The following CEP70 variants were observed in gnomAD, a reference collection of about 807,000 sequenced individuals.
CEP70 encodes the protein centrosomal protein 70, also known as centrosomal protein of 70 kDa.
CEP70 carries 70 observed loss-of-function variants against 90.9 expected under a neutral mutation model. That is an observed-to-expected ratio of 0.77 (90% CI 0.64 to 0.94). The LOEUF is 0.94. Among genes scored for constraint, CEP70 ranks in the 40% least tolerant of loss-of-function variants. The pLI, the probability that CEP70 is intolerant of heterozygous loss-of-function variation, is 0.00. For synonymous variants in CEP70, 220 were observed against 228.3 expected (o/e 0.96, Z 0.33); for missense variants, 648 against 669.0 (o/e 0.97, Z 0.35).
At chr3:138,573,017 G>T in intron 2 of CEP70, 85 bp from the exon 3 acceptor site, 1 of 899,816 alleles carries the variant, frequency 1.1e-6, no homozygotes, top group Non-Finnish European at 1.8e-6. Flanking sequence ...TGCAAAAGGA[G>T]TTAAAGAAAA....
chr3:138,571,889 C>T (rs1043872596), intron 3 of CEP70, among the ~76,000 whole-genome samples: 1 of 152,190 alleles, frequency 6.6e-6, no homozygotes, highest in African/African-American at 2.4e-5. Context: ...CACCATTCTC[C>T]TGCCTCAGCC....
chr3:138,530,857 T>A, intron 8 of CEP70: 1 of 984,696 alleles, frequency 1.0e-6, no homozygotes, highest in Non-Finnish European at 1.2e-6. Flanking sequence ...AATCTCACTT[T>A]CAAGTTAGTA....
intron 6 of CEP70, among the ~76,000 whole-genome samples, chr3:138,551,199 T>C (rs2039586370): frequency 6.6e-6 from 1 of 152,204 alleles, no homozygotes; most frequent in Non-Finnish European, 1.5e-5. Context: ...CTAGAAGGGA[T>C]TGGAGCCGTA....
intron 6 of CEP70, among the ~76,000 whole-genome samples, chr3:138,560,774 C>T (rs993589413): frequency 3.3e-5 from 5 of 152,072 alleles, no homozygotes; most frequent in South Asian, 2.1e-4. Context: ...CTAGATGGAG[C>T]GCACCACAGC....
chr3:138,572,961 T>C, intron 2 of CEP70, 29 bp from the exon 3 acceptor site: 1 of 1,541,644 alleles, frequency 6.5e-7, no homozygotes, highest in Non-Finnish European at 8.8e-7. Context: ...AAACAGAAAT[T>C]GGCAATTAAA....
intron 6 of CEP70, among the ~76,000 whole-genome samples, chr3:138,555,248 C>CAAAAAAAAA (rs200406072): frequency 7.9e-6 from 1 of 127,208 alleles, no homozygotes; most frequent in African/African-American, 3.0e-5. Flanking sequence ...GACTCCATCT[C>CAAAAAAAAA]AAAAAAAAAA....
chr3:138,588,626 T>C, intron 2 of CEP70, among the ~76,000 whole-genome samples: 1 of 152,362 alleles, frequency 6.6e-6, no homozygotes, highest in Non-Finnish European at 1.5e-5. Flanking sequence ...TCTCATATAC[T>C]GCCGACGGGA....
chr3:138,592,930 A>G (rs1246483056), intron 1 of CEP70: 1 of 152,210 alleles, frequency 6.6e-6, no homozygotes, highest in Admixed American at 6.5e-5. Context: ...GCTCTATTCT[A>G]AAAATATTGC....
At chr3:138,564,136 A>G (rs2040610660) in intron 6 of CEP70, among the ~76,000 whole-genome samples, 1 of 152,246 alleles carries the variant, frequency 6.6e-6, no homozygotes, top group Non-Finnish European at 1.5e-5. Flanking sequence ...CACCCTCCCA[A>G]GTCTAAACCA....
At chr3:138,519,513 G>C (rs998227564) in intron 11 of CEP70, among the ~76,000 whole-genome samples, 4 of 152,222 alleles carry the variant, frequency 2.6e-5, no homozygotes, top group African/African-American at 9.6e-5. Context: ...CCAGAAGAGA[G>C]TGGGGGGCAA....
chr3:138,554,582 T>C (rs903664166), intron 6 of CEP70, among the ~76,000 whole-genome samples: 2 of 152,166 alleles, frequency 1.3e-5, no homozygotes, highest in African/African-American at 4.8e-5. Context: ...TAGAGTTTTC[T>C]AAAAAGCTCC....
chr3:138,513,491 T>C (rs2035716309), intron 11 of CEP70, among the ~76,000 whole-genome samples: 1 of 152,172 alleles, frequency 6.6e-6, no homozygotes, highest in African/African-American at 2.4e-5. Flanking sequence ...ATAGCAGGAA[T>C]CTTTTGTGCA....
intron 2 of CEP70, among the ~76,000 whole-genome samples, chr3:138,573,363 T>C (rs1177452714): frequency 2.0e-5 from 3 of 149,348 alleles, no homozygotes; most frequent in Non-Finnish European, 3.0e-5. Flanking sequence ...ACCCAACATA[T>C]TGCAACTGGG....
rs781221552 is a variant in CEP70, at chr3:138,508,533, A to T, written c.956T>A (p.Leu319His). ...GTCCTCAGCCTTCTTATGATTAATA[A>T]GCTCCTGTAATCTAAAAGGGGGAAA... is the stretch of plus-strand genomic sequence containing the variant. Reference protein sequence around the residue: ...ALKKNVKLQELINHKKAEDTE... With the variant: ...ALKKNVKLQEHINHKKAEDTE... Residue 319 changes from leucine (L) to histidine (H), a missense_variant, in exon 12 of 18, where the codon CTT becomes CAT. By Grantham distance (99) the Leu-to-His change is moderately conservative. Transcript: ENST00000264982. The T allele has an allele frequency of 6.2e-7, 1 of 1,603,736 alleles. No individual in the cohort carries two copies. Among genetic ancestry groups the T allele is most frequent in the Admixed American group, 1.7e-5 (1 of 59,976 alleles).
intron 11 of CEP70, among the ~76,000 whole-genome samples, chr3:138,523,617 C>G (rs1458234800): frequency 3.9e-5 from 6 of 152,116 alleles, no homozygotes; most frequent in Admixed American, 2.0e-4. Flanking sequence ...AGTGAACTCC[C>G]ATTCACAATT....
intron 6 of CEP70, among the ~76,000 whole-genome samples, chr3:138,541,107 A>G (rs1553852572): frequency 1.3e-5 from 2 of 152,178 alleles, no homozygotes; most frequent in Non-Finnish European, 2.9e-5. Flanking sequence ...AAGGAAGAGA[A>G]GGAGAAAAGA....
intron 10 of CEP70, among the ~76,000 whole-genome samples, chr3:138,527,694 CAAA>C (rs34863399): frequency 0.083 from 9,721 of 117,732 alleles, 682 homozygotes; most frequent in East Asian, 0.44. Flanking sequence ...GACTCCGTCT[CAAA>C]AAAAAAAAAA....
intron 6 of CEP70, among the ~76,000 whole-genome samples, chr3:138,549,359 G>A (rs1380616523): frequency 1.3e-5 from 2 of 151,922 alleles, no homozygotes; most frequent in African/African-American, 4.8e-5. Context: ...GTTGTTGGGT[G>A]GGGCGGGTAG....
At chr3:138,514,614 T>A (rs774388386) in intron 11 of CEP70, among the ~76,000 whole-genome samples, 1 of 152,118 alleles carries the variant, frequency 6.6e-6, no homozygotes, top group Non-Finnish European at 1.5e-5. Flanking sequence ...TAAATTTTTT[T>A]AAGTTTTTAA....
Sources: allele counts gnomAD v4.1 joint callset (sites outside exome capture counted in the v4.1 genomes callset), GRCh38; gene constraint gnomAD v4.1.1; transcripts MANE v1.5; gene names NCBI Gene and HGNC (gene_info 2026-07-23, HGNC 2026-07-21).